The following SLC44A5 variants were observed in gnomAD, a reference collection of about 807,000 sequenced individuals.
The protein encoded by SLC44A5 is choline transporter-like protein 5.
SLC44A5 carries 57 observed loss-of-function variants against 101.8 expected under a neutral mutation model. That is an observed-to-expected ratio of 0.56 (90% confidence interval 0.45 to 0.70). The LOEUF (loss-of-function observed/expected upper bound fraction) is 0.70, where lower values mean the gene tolerates loss of function less well. Among genes scored for constraint, SLC44A5 ranks in the 30% least tolerant of loss-of-function variants. The pLI is 0.00. For missense variants in SLC44A5, 737 were observed against 853.1 expected, an observed-to-expected ratio of 0.86 and a Z score of 1.70; for synonymous variants, 281 against 290.9, an observed-to-expected ratio of 0.97 and a Z score of 0.35.
At chr1:75,240,792 GA>G (rs1648555424) in intron 9 of SLC44A5, among the ~76,000 whole-genome samples, 1 of 151,976 alleles carries the variant, frequency 6.6e-6, no homozygotes, top group Admixed American at 6.6e-5. Context: ...TACATTGTAA[GA>G]AAGTGAATAA....
chr1:75,612,648 T>C (rs1013311919), upstream of SLC44A5, among the ~76,000 whole-genome samples: 1 of 152,234 alleles, frequency 6.6e-6, no homozygotes, highest in Non-Finnish European at 1.5e-5. Flanking sequence ...CTTACTTCAT[T>C]GTCTATCATG....
rs1230548436 is a variant in SLC44A5 at position 75,227,875 on chromosome 1, A to G, written c.854-18T>C. 5 of 1,570,972 alleles carry G rather than the reference A, an allele frequency of 3.2e-6. No individual in the cohort carries two copies. Among genetic ancestry groups the G allele is most frequent in the Non-Finnish European group, 4.3e-6 (5 of 1,163,520 alleles). On this transcript the variant is annotated intron_variant, in intron 12 of 23. Coordinates refer to ENST00000370859, the MANE Select transcript of SLC44A5 (RefSeq NM_001130058.2). ...CCATATTCCTTGAAAAAGAAAGAAA[A>G]ACAGAATAATATAAAATATGATTTT...
intron 3 of SLC44A5, among the ~76,000 whole-genome samples, chr1:75,355,568 T>G (rs1659002653): frequency 6.6e-6 from 1 of 152,220 alleles, no homozygotes; most frequent in Admixed American, 6.5e-5. Context: ...AAAGAGGTCC[T>G]CAATAAAAAT....
chr1:75,417,491 A>G (rs866383960), intron 2 of SLC44A5, among the ~76,000 whole-genome samples: 1 of 152,256 alleles, frequency 6.6e-6, no homozygotes, highest in Admixed American at 6.5e-5. Context: ...AGAGAAGTTC[A>G]TGATGATGTT....
At chr1:75,501,038 C>T (rs527730296) in intron 2 of SLC44A5, among the ~76,000 whole-genome samples, 1 of 152,218 alleles carries the variant, frequency 6.6e-6, no homozygotes, top group African/African-American at 2.4e-5. Flanking sequence ...TAATAAAGTG[C>T]TCAGTTGATT....
At chr1:75,648,876 A>C in the SLC44A5 span, among the ~76,000 whole-genome samples, 1 of 152,212 alleles carries the variant, frequency 6.6e-6, no homozygotes, top group Non-Finnish European at 1.5e-5. Context: ...ATTTTGTCTC[A>C]AATGGGAATT....
intron 16 of SLC44A5, 124 bp from the exon 17 acceptor site, chr1:75,218,876 A>G (rs1647018325): frequency 4.7e-6 from 4 of 844,754 alleles, no homozygotes. Context: ...TCCTGCTCTT[A>G]CTCCTCTATT....
intron 2 of SLC44A5, among the ~76,000 whole-genome samples, chr1:75,456,047 G>A (rs145812582): frequency 7.9e-5 from 12 of 152,194 alleles, no homozygotes; most frequent in African/African-American, 2.9e-4. Context: ...CTACCAAAAA[G>A]ACACATGTAC....
intron 6 of SLC44A5, among the ~76,000 whole-genome samples, chr1:75,268,215 G>A (rs1052591325): frequency 2.6e-5 from 4 of 152,042 alleles, no homozygotes; most frequent in African/African-American, 9.7e-5. Context: ...CAGGACCTTT[G>A]CACTTATTGC....
intron 2 of SLC44A5, among the ~76,000 whole-genome samples, chr1:75,422,422 T>C (rs950836909): frequency 6.6e-6 from 1 of 152,174 alleles, no homozygotes; most frequent in Non-Finnish European, 1.5e-5. Context: ...TGGCAACAAA[T>C]AAATGAAAAC....
At chr1:75,243,830 G>A (rs1648874340) in intron 7 of SLC44A5, among the ~76,000 whole-genome samples, 1 of 152,078 alleles carries the variant, frequency 6.6e-6, no homozygotes, top group African/African-American at 2.4e-5. Context: ...TGTTCTTATA[G>A]TTCAGGGAAG....
chr1:75,297,097 C>T (rs935091395), intron 5 of SLC44A5, among the ~76,000 whole-genome samples: 1 of 152,070 alleles, frequency 6.6e-6, no homozygotes, highest in South Asian at 2.1e-4. Context: ...GTCTTGTTTG[C>T]ATTAACTTTC....
At chr1:75,346,694 TG>T (rs1658281518) in intron 3 of SLC44A5, among the ~76,000 whole-genome samples, 1 of 152,180 alleles carries the variant, frequency 6.6e-6, no homozygotes, top group Admixed American at 6.6e-5. Context: ...GAATTGAGCT[TG>T]AAGGTTATCA....
intron 2 of SLC44A5, among the ~76,000 whole-genome samples, chr1:75,461,095 T>G (rs538794787): frequency 7.2e-5 from 11 of 152,264 alleles, no homozygotes; most frequent in African/African-American, 2.6e-4. Flanking sequence ...GTATATTGAT[T>G]AAACAAAATG....
chr1:75,443,033 T>C (rs1446446357), intron 2 of SLC44A5, among the ~76,000 whole-genome samples: 1 of 152,170 alleles, frequency 6.6e-6, no homozygotes, highest in Admixed American at 6.6e-5. Flanking sequence ...TAATAAACTA[T>C]TGCATACTGA....
chr1:75,522,704 G>A (rs1670205059), intron 2 of SLC44A5, among the ~76,000 whole-genome samples: 1 of 152,186 alleles, frequency 6.6e-6, no homozygotes, highest in Non-Finnish European at 1.5e-5. Context: ...TCTACTTCTG[G>A]AGCTTGAAGG....
At chr1:75,326,946 C>G (rs371809839) in intron 4 of SLC44A5, among the ~76,000 whole-genome samples, 1 of 152,042 alleles carries the variant, frequency 6.6e-6, no homozygotes, top group African/African-American at 2.4e-5. Context: ...AATGCTAATA[C>G]ATATTACAAT....
chr1:75,512,546 C>T (rs1430228773), intron 2 of SLC44A5, among the ~76,000 whole-genome samples: 1 of 152,164 alleles, frequency 6.6e-6, no homozygotes, highest in Non-Finnish European at 1.5e-5. Context: ...GATTTGGTGT[C>T]AGACACAGTG....
intron 2 of SLC44A5, among the ~76,000 whole-genome samples, chr1:75,493,576 G>C (rs2101817316): frequency 6.6e-6 from 1 of 152,190 alleles, no homozygotes; most frequent in Middle Eastern, 3.4e-3. Context: ...CCACAGTAGA[G>C]ACTGAAAACA....
Sources: allele counts gnomAD v4.1 joint callset (sites outside exome capture counted in the v4.1 genomes callset), GRCh38; gene constraint gnomAD v4.1.1; transcripts MANE v1.5; gene names NCBI Gene and HGNC (gene_info 2026-07-23, HGNC 2026-07-21).